Variants in PTPRM observed in about 807,000 individuals in gnomAD.
PTPRM encodes protein tyrosine phosphatase receptor type M, also known as receptor-type tyrosine-protein phosphatase mu.
Under a neutral mutation model 186.7 loss-of-function variants are expected in PTPRM, and 47 were observed. That is an observed-to-expected ratio of 0.25 (90% CI 0.20 to 0.32). PTPRM has a LOEUF of 0.32. Among genes scored for constraint, PTPRM ranks in the 10% least tolerant of loss-of-function variants. PTPRM has a pLI of 1.00. For synonymous variants in PTPRM, 668 were observed against 674.9 expected, an observed-to-expected ratio of 0.99 and a Z score of 0.16; for missense variants, 1,494 against 1,865.0, an observed-to-expected ratio of 0.80 and a Z score of 3.66.
chr18:8,082,761 A>G (rs1018010888), intron 9 of PTPRM, among the ~76,000 whole-genome samples: 1 of 150,128 alleles, frequency 6.7e-6, no homozygotes, highest in Non-Finnish European at 1.5e-5. Context: ...AATGTTCATC[A>G]CCCCCAGTCT....
At chr18:7,655,665 A>G (rs753238555) in intron 1 of PTPRM, among the ~76,000 whole-genome samples, 1 of 152,236 alleles carries the variant, frequency 6.6e-6, no homozygotes, top group Non-Finnish European at 1.5e-5. Flanking sequence ...AGGTGACTGG[A>G]TAAACTGGTA....
chr18:8,204,163 T>C (rs1197586825), intron 14 of PTPRM, among the ~76,000 whole-genome samples: 1 of 151,476 alleles, frequency 6.6e-6, no homozygotes, highest in African/African-American at 2.4e-5. Context: ...CAGAATGAGA[T>C]TGGGGGTGGG....
intron 1 of PTPRM, among the ~76,000 whole-genome samples, chr18:7,612,775 G>T (rs1286386038): frequency 6.6e-6 from 1 of 152,134 alleles, no homozygotes; most frequent in Non-Finnish European, 1.5e-5. Context: ...CTTCAGGGAA[G>T]GTGTAATTTC....
chr18:7,649,557 G>A (rs1251189348), intron 1 of PTPRM, among the ~76,000 whole-genome samples: 1 of 152,050 alleles, frequency 6.6e-6, no homozygotes, highest in Non-Finnish European at 1.5e-5. Context: ...ATATTAACAG[G>A]AGTTTGGAAG....
intron 13 of PTPRM, 82 bp from the exon 14 acceptor site, chr18:8,143,565 A>C: frequency 1.4e-6 from 2 of 1,452,486 alleles, no homozygotes; most frequent in South Asian, 2.4e-5. Flanking sequence ...ACTCTGTTAA[A>C]TGCAGCGAAA....
intron 19 of PTPRM, among the ~76,000 whole-genome samples, chr18:8,265,477 A>C (rs1601548997): frequency 6.6e-6 from 1 of 152,212 alleles, no homozygotes; most frequent in Non-Finnish European, 1.5e-5. Context: ...AGAAGAAGAC[A>C]AGTTTGTAAG....
At chr18:7,659,575 A>G (rs1251259405) in intron 1 of PTPRM, among the ~76,000 whole-genome samples, 1 of 152,182 alleles carries the variant, frequency 6.6e-6, no homozygotes, top group Non-Finnish European at 1.5e-5. Flanking sequence ...AGCACCTACT[A>G]CAGTGCTTGA....
rs199638933 is a variant in PTPRM at position 8,347,842 on chromosome 18, TG to T, written c.3054+4326del. On this transcript the variant is annotated intron_variant, in intron 23 of 32. Coordinates refer to ENST00000580170, the MANE Select transcript of PTPRM (RefSeq NM_001105244.2). ...TTCTTCCAAATCCTTACCAGGTTTG[TG>T]GGGACACGGGTAAGCTCTGAAGAGG... 6.7e-3 allele frequency among the ~76,000 whole-genome samples: 1,028 copies of T among 152,312 alleles called. 13 individuals are homozygous for T. The highest frequency in any genetic ancestry group is 0.024 in the African/African-American group (983 of 41,562).
At chr18:8,367,522 G>C (rs1380447812) in intron 23 of PTPRM, among the ~76,000 whole-genome samples, 2 of 152,264 alleles carry the variant, frequency 1.3e-5, no homozygotes, top group Non-Finnish European at 2.9e-5. Flanking sequence ...CTGTTCCGCG[G>C]AAGCGCGGCC....
intron 11 of PTPRM, among the ~76,000 whole-genome samples, chr18:8,111,004 T>TG (rs1349522227): frequency 6.6e-6 from 1 of 152,176 alleles, no homozygotes; most frequent in Non-Finnish European, 1.5e-5. Flanking sequence ...CCTGGTCTGA[T>TG]GATTAGGAGA....
intron 7 of PTPRM, among the ~76,000 whole-genome samples, chr18:8,036,066 G>A (rs2086306386): frequency 6.6e-6 from 1 of 152,190 alleles, no homozygotes; most frequent in African/African-American, 2.4e-5. Flanking sequence ...ATAGTTTCAG[G>A]CGGAGTAGCC....
chr18:7,573,568 T>TTTTTGTTTTG (rs367999305), intron 1 of PTPRM, among the ~76,000 whole-genome samples: 21 of 150,972 alleles, frequency 1.4e-4, no homozygotes, highest in Admixed American at 3.3e-4. Context: ...AAAGAGGAGG[T>TTTTTGTTTTG]TTTTGTTTTG....
chr18:8,127,394 C>A (rs563434523), intron 13 of PTPRM, among the ~76,000 whole-genome samples: 1 of 149,534 alleles, frequency 6.7e-6, no homozygotes, highest in Non-Finnish European at 1.5e-5. Context: ...GGCACATGAA[C>A]GGCACTCAGA....
chr18:8,035,534 G>A (rs2086265830), intron 7 of PTPRM, among the ~76,000 whole-genome samples: 1 of 151,970 alleles, frequency 6.6e-6, no homozygotes, highest in Non-Finnish European at 1.5e-5. Context: ...TATGTAAATA[G>A]TTCTTATACT....
chr18:8,225,502 A>G (rs1446231061), intron 14 of PTPRM, among the ~76,000 whole-genome samples: 1 of 152,086 alleles, frequency 6.6e-6, no homozygotes, highest in Non-Finnish European at 1.5e-5. Context: ...TCATTTCTCT[A>G]ATAAACCCTG....
chr18:7,737,557 A>C (rs1159895085), intron 1 of PTPRM, among the ~76,000 whole-genome samples: 1 of 152,192 alleles, frequency 6.6e-6, no homozygotes, highest in Non-Finnish European at 1.5e-5. Context: ...CTTGTATTCA[A>C]CCAGTGTGCA....
chr18:7,635,499 C>G (rs2144121009), intron 1 of PTPRM, among the ~76,000 whole-genome samples: 1 of 152,274 alleles, frequency 6.6e-6, no homozygotes, highest in South Asian at 2.1e-4. Context: ...CAGAGTCCTT[C>G]TTGGCCTGTC....
chr18:8,313,076 C>T (rs1033309872), intron 20 of PTPRM, among the ~76,000 whole-genome samples: 1 of 152,172 alleles, frequency 6.6e-6, no homozygotes, highest in Non-Finnish European at 1.5e-5. Flanking sequence ...AATAGTTGCT[C>T]CAGTGACTGA....
intron 2 of PTPRM, among the ~76,000 whole-genome samples, chr18:7,859,881 C>T (rs970894783): frequency 1.3e-5 from 2 of 152,122 alleles, no homozygotes; most frequent in South Asian, 2.1e-4. Flanking sequence ...CCTCAAAGCC[C>T]TGCCTCCCTC....
Sources: allele counts gnomAD v4.1 joint callset (sites outside exome capture counted in the v4.1 genomes callset), GRCh38; gene constraint gnomAD v4.1.1; transcripts MANE v1.5; gene names NCBI Gene and HGNC (gene_info 2026-07-23, HGNC 2026-07-21).